LIMCH1: variants seen among roughly 807,000 people sequenced by gnomAD.
The protein encoded by LIMCH1 is LIM and calponin homology domains 1.
A neutral mutation model predicts 176.5 loss-of-function variants in LIMCH1; 113 were observed. The ratio of observed to expected loss-of-function variants is 0.64; its 90% CI spans 0.55 to 0.75. The LOEUF is 0.75. LIMCH1 is among the 30% of genes least tolerant of loss of function. The pLI, the probability that LIMCH1 is intolerant of heterozygous loss-of-function variation, is 0.00. For synonymous variants in LIMCH1, 619 were observed against 645.9 expected, an observed-to-expected ratio of 0.96 and a Z score of 0.63; for missense variants, 1,674 against 1,814.9, an observed-to-expected ratio of 0.92 and a Z score of 1.41.
At chr4:41,573,545 A>G (rs1033190014) in intron 1 of LIMCH1, among the ~76,000 whole-genome samples, 8 of 152,174 alleles carry the variant, frequency 5.3e-5, no homozygotes, top group Admixed American at 6.5e-5. Flanking sequence ...ATTGTTAAGT[A>G]TTCTTCGCAA....
chr4:41,393,795 TAGAA>T (rs1290995485), intron 1 of LIMCH1, among the ~76,000 whole-genome samples: 1 of 152,174 alleles, frequency 6.6e-6, no homozygotes, highest in African/African-American at 2.4e-5. Flanking sequence ...ACTGTAAAAT[TAGAA>T]AGACCTGAAG....
At chr4:41,681,209 G>A (rs572359050) in intron 25 of LIMCH1, 150 bp downstream of exon 25, 6 of 507,630 alleles carry the variant, frequency 1.2e-5, no homozygotes, top group Non-Finnish European at 2.2e-5. Flanking sequence ...TGTGGCCATT[G>A]TACCCCATTG....
intron 30 of LIMCH1, among the ~76,000 whole-genome samples, chr4:41,690,557 A>G (rs1240898359): frequency 6.6e-6 from 1 of 152,224 alleles, no homozygotes; most frequent in Non-Finnish European, 1.5e-5. Flanking sequence ...CTTGGTCTGC[A>G]TAATCCTAAC....
At chr4:41,684,936 C>T (rs547351970) in intron 27 of LIMCH1, among the ~76,000 whole-genome samples, 1 of 152,220 alleles carries the variant, frequency 6.6e-6, no homozygotes, top group African/African-American at 2.4e-5. Flanking sequence ...TGCCATTTCA[C>T]CCTCATTCCC....
At chr4:41,614,067 G>C (rs2091785930) in intron 5 of LIMCH1, among the ~76,000 whole-genome samples, 1 of 152,224 alleles carries the variant, frequency 6.6e-6, no homozygotes, top group Non-Finnish European at 1.5e-5. Flanking sequence ...TCAACTTCCA[G>C]TAAACTGGAA....
At chr4:41,474,232 T>C (rs1344192483) in intron 1 of LIMCH1, among the ~76,000 whole-genome samples, 1 of 151,400 alleles carries the variant, frequency 6.6e-6, no homozygotes, top group Non-Finnish European at 1.5e-5. Context: ...CTCACGCCTG[T>C]AATCCCAGCA....
intron 30 of LIMCH1, among the ~76,000 whole-genome samples, chr4:41,691,368 C>T (rs890891220): frequency 3.9e-5 from 6 of 152,100 alleles, no homozygotes; most frequent in Non-Finnish European, 5.9e-5. Context: ...ATCCTACAGT[C>T]TCTTTCTGCA....
chr4:41,594,120 A>G (rs1038694337), intron 1 of LIMCH1, among the ~76,000 whole-genome samples: 7 of 152,208 alleles, frequency 4.6e-5, no homozygotes, highest in Admixed American at 3.3e-4. Context: ...ATTAACATTC[A>G]TTGAGTAATA....
At chr4:41,426,246 C>T (rs2061088763) in intron 1 of LIMCH1, among the ~76,000 whole-genome samples, 1 of 151,894 alleles carries the variant, frequency 6.6e-6, no homozygotes, top group African/African-American at 2.4e-5. Flanking sequence ...TGGTCTCGAT[C>T]TCCTGACCTC....
intron 3 of LIMCH1, among the ~76,000 whole-genome samples, chr4:41,526,937 C>T (rs1160191134): frequency 6.6e-6 from 1 of 152,240 alleles, no homozygotes; most frequent in African/African-American, 2.4e-5. Context: ...AGTTGACTCA[C>T]AGTTCTGCAA....
chr4:41,463,914 A>G (rs1178054456), intron 1 of LIMCH1, among the ~76,000 whole-genome samples: 1 of 151,418 alleles, frequency 6.6e-6, no homozygotes, highest in Non-Finnish European at 1.5e-5. Context: ...ATGAGGTCTC[A>G]CTCTATTTGC....
chr4:41,635,147 G>A (rs1037523935), intron 13 of LIMCH1, among the ~76,000 whole-genome samples: 1 of 152,094 alleles, frequency 6.6e-6, no homozygotes, highest in Non-Finnish European at 1.5e-5. Flanking sequence ...ACTCAGCTCT[G>A]TCAGAGTGGA....
At chr4:41,665,324 A>G (rs10021004) in intron 20 of LIMCH1, among the ~76,000 whole-genome samples, 90,263 of 152,078 alleles carry the variant, frequency 0.59, 27,957 homozygotes, top group African/African-American at 0.73. Context: ...CCTCCACTAC[A>G]AGGAAATGCT....
At chr4:41,486,309 A>T (rs762170899) in intron 1 of LIMCH1, among the ~76,000 whole-genome samples, 1 of 152,172 alleles carries the variant, frequency 6.6e-6, no homozygotes, top group Non-Finnish European at 1.5e-5. Flanking sequence ...TGGTTTGCCC[A>T]GTGCCTTGTC....
intron 18 of LIMCH1, among the ~76,000 whole-genome samples, chr4:41,657,946 A>G (rs145187265): frequency 1.7e-4 from 26 of 152,262 alleles, no homozygotes; most frequent in Admixed American, 6.5e-4. Flanking sequence ...GAATGGAAAA[A>G]GCAGTTTGAA....
rs1424063501 is a variant in LIMCH1, at chr4:41,620,557, C to T, written c.592C>T (p.His198Tyr). The change falls in exon 7 of 32, where the codon CAC (histidine) becomes TAC (tyrosine). Residue 198 changes from histidine to tyrosine, a missense_variant. Physicochemically the swap from His to Tyr is moderately conservative, Grantham distance 83. Coordinates refer to ENST00000503057, the MANE Select transcript of LIMCH1 (RefSeq NM_001330672.2). ...CELPDGSGKE[H>Y]PSSDGAVVAP... ...ATTACCTGACGGCAGTGGTAAGGAGCACCCTTCTTCAGACGGGGCTGTGGT... is the reference window on the plus strand; with the variant it reads ...ATTACCTGACGGCAGTGGTAAGGAGTACCCTTCTTCAGACGGGGCTGTGGT... 2 of 1,536,320 alleles carry T rather than the reference C, an allele frequency of 1.3e-6. No homozygotes were observed. The highest frequency in any genetic ancestry group is 2.7e-5 in the African/African-American group (2 of 73,150).
At chr4:41,601,211 T>G (rs773492908) in intron 2 of LIMCH1, among the ~76,000 whole-genome samples, 1 of 152,224 alleles carries the variant, frequency 6.6e-6, no homozygotes, top group Non-Finnish European at 1.5e-5. Context: ...CAAGGTCTTC[T>G]GCTCATGTGG....
chr4:41,569,288 G>A (rs1468364394), intron 1 of LIMCH1, among the ~76,000 whole-genome samples: 1 of 152,126 alleles, frequency 6.6e-6, no homozygotes, highest in Admixed American at 6.6e-5. Context: ...AACGAAGCCA[G>A]ACTTACCCAC....
intron 1 of LIMCH1, among the ~76,000 whole-genome samples, chr4:41,430,487 C>A (rs980339047): frequency 1.3e-5 from 2 of 152,228 alleles, no homozygotes; most frequent in African/African-American, 4.8e-5. Context: ...TGGTCTCGAT[C>A]TCCTGACCTC....
Sources: allele counts gnomAD v4.1 joint callset (sites outside exome capture counted in the v4.1 genomes callset), GRCh38; gene constraint gnomAD v4.1.1; transcripts MANE v1.5; gene names NCBI Gene and HGNC (gene_info 2026-07-23, HGNC 2026-07-21).